SPOP: variants seen among roughly 807,000 people sequenced by gnomAD.
The protein encoded by SPOP is speckle type BTB/POZ protein.
SPOP carries 11 observed loss-of-function variants against 45.6 expected under a neutral mutation model. The ratio of observed to expected loss-of-function variants is 0.24; its 90% confidence interval spans 0.15 to 0.40. SPOP has a LOEUF of 0.40. Among genes scored for constraint, SPOP ranks in the 10% least tolerant of loss-of-function variants. The probability of loss-of-function intolerance (pLI) is 1.00; values close to 1 mark genes in which losing one functional copy is unlikely to be tolerated. For synonymous variants in SPOP, 166 were observed against 166.3 expected, an observed-to-expected ratio of 1.00 and a Z score of 0.01; for missense variants, 152 against 465.6, an observed-to-expected ratio of 0.33 and a Z score of 6.20.
At chr17:49,668,930 C>T (rs1475059129) in intron 1 of SPOP, among the ~76,000 whole-genome samples, 20 of 145,958 alleles carry the variant, frequency 1.4e-4, no homozygotes, top group South Asian at 4.4e-4. Flanking sequence ...GCGCCCGCCA[C>T]CATGCCCAGC....
intron 1 of SPOP, among the ~76,000 whole-genome samples, chr17:49,644,399 G>A (rs1826666406): frequency 6.6e-6 from 1 of 151,998 alleles, no homozygotes; most frequent in Non-Finnish European, 1.5e-5. Flanking sequence ...GGACCCAGTG[G>A]GAGAACTCAA....
chr17:49,623,679 C>T (rs184203103), intron 1 of SPOP, among the ~76,000 whole-genome samples: 2 of 152,086 alleles, frequency 1.3e-5, no homozygotes, highest in African/African-American at 4.8e-5. Flanking sequence ...ATTTTTACAC[C>T]TTTCTTAGAT....
Position 49,599,234 on chromosome 17 carries a change from C to T in SPOP, c.*1144G>A, listed in dbSNP as rs946374543. On this transcript the variant is annotated 3_prime_UTR_variant, in exon 10 of 10. Transcript: ENST00000504102. ...AATCCCTTAAGCAAGGGACTCAGAC[C>T]CAAGAGACAAGGCAGGTGAGTGAAA... 4.5e-5 allele frequency: 10 copies of T among 221,424 alleles called. No individual in the cohort carries two copies. Among genetic ancestry groups the T allele is most frequent in the Non-Finnish European group, 9.0e-5 (10 of 110,608 alleles). The allele number at this position is 221,424 out of a possible 1,614,324, so 13.7% of individuals were successfully genotyped here.
At chr17:49,614,802 A>AGTGTGTGT (rs60134980) in intron 5 of SPOP, among the ~76,000 whole-genome samples, 2,213 of 147,026 alleles carry the variant, frequency 0.015, 39 homozygotes, top group East Asian at 0.059. Flanking sequence ...CATGCTATGA[A>AGTGTGTGT]GTGTGTGTGT....
chr17:49,675,596 A>G (rs959856501), intron 1 of SPOP, among the ~76,000 whole-genome samples: 5 of 152,220 alleles, frequency 3.3e-5, no homozygotes, highest in African/African-American at 9.7e-5. Context: ...CCCATTTTAA[A>G]CAATGATTTT....
chr17:49,627,117 G>A (rs1162083429), intron 1 of SPOP, among the ~76,000 whole-genome samples: 4 of 152,180 alleles, frequency 2.6e-5, no homozygotes, highest in Non-Finnish European at 4.4e-5. Flanking sequence ...CCAAAGTGCT[G>A]GGATTACAGG....
At chr17:49,656,426 A>G (rs1482326338) in intron 1 of SPOP, among the ~76,000 whole-genome samples, 2 of 152,176 alleles carry the variant, frequency 1.3e-5, no homozygotes, top group African/African-American at 2.4e-5. Flanking sequence ...CAGATGTACT[A>G]AAAATAAAAT....
intron 1 of SPOP, among the ~76,000 whole-genome samples, chr17:49,640,266 G>A (rs1420996436): frequency 6.6e-6 from 1 of 151,272 alleles, no homozygotes; most frequent in East Asian, 1.9e-4. Flanking sequence ...AAAAAAAAAA[G>A]TTCAAAGCAT....
chr17:49,648,680 T>C (rs1232685680), intron 1 of SPOP, among the ~76,000 whole-genome samples: 1 of 152,224 alleles, frequency 6.6e-6, no homozygotes, highest in Non-Finnish European at 1.5e-5. Flanking sequence ...TGCCCATTTC[T>C]ACGTCAGAAG....
chr17:49,611,174 T>C (rs2071965597), intron 6 of SPOP, 106 bp downstream of exon 6: 1 of 1,246,516 alleles, frequency 8.0e-7, no homozygotes, highest in East Asian at 2.3e-5. Flanking sequence ...CAGTTTGTTT[T>C]GTAGTTGAGT....
In SPOP at chr17:49,678,072, C is replaced by A. The variant is rs925596553; in HGVS notation, c.-206G>T. On this transcript the variant is annotated 5_prime_UTR_variant, in exon 1 of 10. Transcript: ENST00000504102. ...GCGCACACTCACACACACACATACA[C>A]ACCGACACACACCAGCCGGGGCGTC... is the stretch of plus-strand genomic sequence containing the variant. 2 of 398,822 alleles carry A rather than the reference C, an allele frequency of 5.0e-6. No homozygotes were observed. The highest frequency in any genetic ancestry group is 8.8e-6 in the Non-Finnish European group (2 of 226,252). 24.7% of individuals were successfully genotyped at this position (398,822 alleles called of 1,614,324 possible). A position where few individuals can be genotyped will look rare whatever the true frequency, so the allele number is the denominator to read the frequency against.
At chr17:49,645,124 A>T (rs966147149) in intron 1 of SPOP, among the ~76,000 whole-genome samples, 3 of 152,332 alleles carry the variant, frequency 2.0e-5, no homozygotes, top group African/African-American at 7.2e-5. Flanking sequence ...ATGCAGCCTA[A>T]ATCAAACCAA....
chr17:49,631,771 G>A (rs1223221105), intron 1 of SPOP, among the ~76,000 whole-genome samples: 2 of 152,146 alleles, frequency 1.3e-5, no homozygotes, highest in African/African-American at 2.4e-5. Context: ...AGCCTAGAAA[G>A]CTCTTTCTTC....
intron 1 of SPOP, among the ~76,000 whole-genome samples, chr17:49,648,795 G>T (rs2072797813): frequency 6.6e-6 from 1 of 152,174 alleles, no homozygotes; most frequent in African/African-American, 2.4e-5. Flanking sequence ...GTCTCACTGT[G>T]TTGCCCAGAC....
intron 1 of SPOP, among the ~76,000 whole-genome samples, chr17:49,645,348 G>A (rs2072736276): frequency 6.6e-6 from 1 of 151,458 alleles, no homozygotes; most frequent in South Asian, 2.1e-4. Context: ...CACCCAGGCT[G>A]GAGTACAGTG....
chr17:49,608,006 G>A (rs1037913861), intron 6 of SPOP, 77 bp from the exon 7 acceptor site: 1 of 1,361,136 alleles, frequency 7.3e-7, no homozygotes, highest in East Asian at 2.4e-5. Context: ...ATGAGGGAGA[G>A]ATCATTTTCT....
At chr17:49,666,442 AAGAC>A (rs1176582218) in intron 1 of SPOP, among the ~76,000 whole-genome samples, 40 of 118,924 alleles carry the variant, frequency 3.4e-4, no homozygotes, top group African/African-American at 6.6e-5. Context: ...TTCCTTCATG[AAGAC>A]AGACACACAC....
At position 49,617,816 on chromosome 17, in the gene SPOP, T is replaced by C. The variant is rs184487593; in HGVS notation, c.480+1165A>G. Among the ~76,000 whole-genome samples the C allele has an allele frequency of 1.8e-4, 26 of 148,466 alleles. No individual in the cohort carries two copies. In the East Asian group the frequency reaches 5.1e-3, roughly 29 times the overall value. On this transcript the variant is annotated intron_variant, in intron 5 of 9. Transcript: ENST00000504102. ...GCATACACCTATAATCCCAGCTACT[T>C]GGGAGGCTAAGGCAGGAGAATCACT...
intron 8 of SPOP, chr17:49,602,348 T>G: frequency 5.1e-6 from 1 of 196,004 alleles, no homozygotes; most frequent in Non-Finnish European, 1.1e-5. Context: ...CACTTACAAT[T>G]ACAGTGAGGC....
Sources: allele counts gnomAD v4.1 joint callset (sites outside exome capture counted in the v4.1 genomes callset), GRCh38; gene constraint gnomAD v4.1.1; transcripts MANE v1.5; gene names NCBI Gene and HGNC (gene_info 2026-07-23, HGNC 2026-07-21).